The following HS2ST1 variants were observed in gnomAD, a reference collection of about 807,000 sequenced individuals.
The protein encoded by HS2ST1 is 2-O-sulfotransferase.
A neutral mutation model predicts 42.9 loss-of-function variants in HS2ST1; 18 were observed. The observed-to-expected ratio is 0.42, with a 90% CI of 0.29 to 0.62. HS2ST1 has a LOEUF of 0.62. HS2ST1 is among the 20% of genes least tolerant of loss of function. The pLI is 0.21. For missense variants in HS2ST1, 334 were observed against 433.8 expected (o/e 0.77, Z 2.04); for synonymous variants, 146 against 152.9 (o/e 0.95, Z 0.33).
At chr1:87,020,528 A>T (rs1175473824) in intron 1 of HS2ST1, among the ~76,000 whole-genome samples, 1 of 152,140 alleles carries the variant, frequency 6.6e-6, no homozygotes, top group African/African-American at 2.4e-5. Flanking sequence ...TCTTAATTTA[A>T]TTATTTTATG....
At chr1:86,992,133 A>G (rs1648969818) in intron 1 of HS2ST1, among the ~76,000 whole-genome samples, 1 of 152,000 alleles carries the variant, frequency 6.6e-6, no homozygotes, top group South Asian at 2.1e-4. Flanking sequence ...AATCTGAGGT[A>G]GAACAGTTTC....
At chr1:86,944,397 C>T (rs1000936834) in intron 1 of HS2ST1, among the ~76,000 whole-genome samples, 3 of 152,074 alleles carry the variant, frequency 2.0e-5, no homozygotes, top group African/African-American at 7.2e-5. Context: ...TACTGTTGCC[C>T]AGGCTGGAGT....
chr1:87,078,560 A>T (rs1314616967), intron 2 of HS2ST1, among the ~76,000 whole-genome samples: 1 of 152,222 alleles, frequency 6.6e-6, no homozygotes, highest in Non-Finnish European at 1.5e-5. Flanking sequence ...CTATGACTAA[A>T]GTCACTGTAG....
intron 1 of HS2ST1, among the ~76,000 whole-genome samples, chr1:86,919,084 G>C (rs994179396): frequency 1.3e-5 from 2 of 151,636 alleles, no homozygotes; most frequent in Non-Finnish European, 2.9e-5. Context: ...AGCGGGGATT[G>C]CAGGTACGTG....
chr1:87,012,910 C>A (rs1430368129), intron 1 of HS2ST1, among the ~76,000 whole-genome samples: 2 of 152,212 alleles, frequency 1.3e-5, no homozygotes, highest in African/African-American at 2.4e-5. Flanking sequence ...CCAAAATGAT[C>A]TTTTTTGACT....
At chr1:86,918,285 A>G (rs1218787319) in intron 1 of HS2ST1, among the ~76,000 whole-genome samples, 2 of 152,146 alleles carry the variant, frequency 1.3e-5, no homozygotes, top group Non-Finnish European at 1.5e-5. Flanking sequence ...TGTAGTCCAC[A>G]TATTACAATG....
intron 1 of HS2ST1, among the ~76,000 whole-genome samples, chr1:86,951,612 G>A (rs1557491152): frequency 6.6e-6 from 1 of 152,210 alleles, no homozygotes; most frequent in Non-Finnish European, 1.5e-5. Context: ...ACCTTGTGTT[G>A]ATTTAAATGA....
intron 1 of HS2ST1, among the ~76,000 whole-genome samples, chr1:86,926,013 ATACT>A (rs1017802996): frequency 1.9e-4 from 29 of 152,206 alleles, no homozygotes; most frequent in Non-Finnish European, 4.4e-5. Context: ...GTTTTGGGAC[ATACT>A]TAAGTTATCC....
intron 1 of HS2ST1, among the ~76,000 whole-genome samples, chr1:86,969,248 T>C (rs969449250): frequency 9.2e-5 from 14 of 152,236 alleles, no homozygotes; most frequent in Non-Finnish European, 1.5e-4. Context: ...TATAAGTCCC[T>C]GGTTAGGGTT....
At chr1:87,081,529 A>C (rs1167693825) in intron 2 of HS2ST1, among the ~76,000 whole-genome samples, 11 of 152,222 alleles carry the variant, frequency 7.2e-5, no homozygotes, top group African/African-American at 2.7e-4. Flanking sequence ...TATGGGATAC[A>C]GCAAAATCTG....
Position 87,065,166 on chromosome 1 carries a change from T to C in HS2ST1, c.125-7768T>C, listed in dbSNP as rs546819499. ...CTTTTGGTGCATCTGTATTGCTCAC[T>C]ATTCCTCATTGTGTATTCATTTTAT... On this transcript the variant is annotated intron_variant, in intron 1 of 6. Coordinates refer to ENST00000370550, the MANE Select transcript of HS2ST1 (RefSeq NM_012262.4). Among the ~76,000 whole-genome samples, 3 of 152,338 alleles carry C rather than the reference T, an allele frequency of 2.0e-5. No homozygotes were observed. The East Asian group carries it at 5.8e-4, about 29-fold the overall frequency.
intron 1 of HS2ST1, among the ~76,000 whole-genome samples, chr1:86,997,138 A>G (rs903207244): frequency 6.6e-6 from 1 of 152,156 alleles, no homozygotes; most frequent in Non-Finnish European, 1.5e-5. Flanking sequence ...GATCAAGCAA[A>G]AAGAAGGAGT....
intron 1 of HS2ST1, among the ~76,000 whole-genome samples, chr1:86,979,749 T>C (rs960339064): frequency 5.3e-5 from 8 of 152,216 alleles, no homozygotes; most frequent in African/African-American, 1.9e-4. Flanking sequence ...AGTCATACGG[T>C]AATTCTATCT....
At chr1:86,951,688 ACAG>A (rs1358246726) in intron 1 of HS2ST1, among the ~76,000 whole-genome samples, 4 of 152,224 alleles carry the variant, frequency 2.6e-5, no homozygotes, top group African/African-American at 9.7e-5. Context: ...AAATAAGACA[ACAG>A]TGAGGTTTAG....
chr1:86,982,966 T>C (rs536621363), intron 1 of HS2ST1, among the ~76,000 whole-genome samples: 1 of 152,298 alleles, frequency 6.6e-6, no homozygotes, highest in South Asian at 2.1e-4. Context: ...GGACCTTTGC[T>C]TCAATATCCA....
rs1201750924 is a variant in HS2ST1, at chr1:87,043,266, G to C, written c.125-29668G>C. On this transcript the variant is annotated intron_variant, in intron 1 of 6. Transcript: ENST00000370550. Reference sequence around the variant, plus strand: ...ATCTAGATTTATTTCATCAGAATTAGTCCTACATTGATTATTCTGGGTAAA... The same window carrying C: ...ATCTAGATTTATTTCATCAGAATTACTCCTACATTGATTATTCTGGGTAAA... 2.6e-5 allele frequency among the ~76,000 whole-genome samples: 4 copies of C among 152,118 alleles called. No homozygotes were observed. In the East Asian group the frequency reaches 7.7e-4, roughly 29 times the overall value.
At chr1:87,091,277 TAA>T (rs1473680816) in intron 3 of HS2ST1, among the ~76,000 whole-genome samples, 17 of 151,764 alleles carry the variant, frequency 1.1e-4, no homozygotes, top group African/African-American at 4.1e-4. Context: ...CAAAGATATA[TAA>T]AGAGAAATAG....
intron 1 of HS2ST1, among the ~76,000 whole-genome samples, chr1:87,022,008 A>G (rs1394943723): frequency 1.3e-5 from 2 of 152,236 alleles, no homozygotes; most frequent in Non-Finnish European, 2.9e-5. Flanking sequence ...ATTTCTATGT[A>G]TGGAGGTATC....
intron 1 of HS2ST1, among the ~76,000 whole-genome samples, chr1:87,053,909 T>TAAAGTGAAAAAC (rs1553140791): frequency 1.3e-5 from 2 of 151,880 alleles, no homozygotes; most frequent in African/African-American, 4.8e-5. Flanking sequence ...AAAATAAAAA[T>TAAAGTGAAAAAC]AAAATTCTCT....
Sources: gnomAD v4.1 joint callset for allele counts (sites outside exome capture counted in the v4.1 genomes callset) on GRCh38, gnomAD v4.1.1 for gene constraint, MANE v1.5 for transcripts, NCBI Gene and HGNC (gene_info 2026-07-23, HGNC 2026-07-21) for gene names.